Variants in CPEB1 observed in about 807,000 individuals in gnomAD.
The protein encoded by CPEB1 is cytoplasmic polyadenylation element binding protein 1, also known as cytoplasmic polyadenylation element-binding protein 1.
A neutral mutation model predicts 65.8 loss-of-function variants in CPEB1; 7 were observed. That is an observed-to-expected ratio of 0.11 (90% CI 0.06 to 0.20). The LOEUF (loss-of-function observed/expected upper bound fraction) is 0.20, where lower values mean the gene tolerates loss of function less well. Among genes scored for constraint, CPEB1 ranks in the 10% least tolerant of loss-of-function variants. The pLI, the probability that CPEB1 is intolerant of heterozygous loss-of-function variation, is 1.00. For synonymous variants in CPEB1, 262 were observed against 260.0 expected, an observed-to-expected ratio of 1.01 and a Z score of -0.08; for missense variants, 551 against 712.2, an observed-to-expected ratio of 0.77 and a Z score of 2.58.
intron 10 of CPEB1, chr15:82,548,813 T>A: frequency 2.5e-6 from 1 of 403,200 alleles, no homozygotes; most frequent in Non-Finnish European, 5.1e-6. Flanking sequence ...TCAGTGTGGG[T>A]GTGAAGACTA....
At chr15:82,612,392 G>A (rs1177051803) in intron 3 of CPEB1, among the ~76,000 whole-genome samples, 1 of 151,534 alleles carries the variant, frequency 6.6e-6, no homozygotes, top group Admixed American at 6.6e-5. Context: ...AGCTACTTGG[G>A]AGGCTGAGGC....
At chr15:82,546,397 C>A (rs1178123217) in intron 12 of CPEB1, 44 bp downstream of exon 12, 8 of 1,556,432 alleles carry the variant, frequency 5.1e-6, no homozygotes, top group Non-Finnish European at 7.1e-6. Flanking sequence ...GCCCAGCCAA[C>A]AATTTTTAAT....
At chr15:82,588,233 G>T (rs2041956109) in intron 3 of CPEB1, among the ~76,000 whole-genome samples, 1 of 151,842 alleles carries the variant, frequency 6.6e-6, no homozygotes, top group Admixed American at 6.6e-5. Context: ...AGGTGTGAGT[G>T]ACCGCATCCA....
chr15:82,565,533 C>T (rs905357953), intron 4 of CPEB1, among the ~76,000 whole-genome samples: 4 of 152,196 alleles, frequency 2.6e-5, no homozygotes, highest in Non-Finnish European at 5.9e-5. Flanking sequence ...CTCTTTAAGC[C>T]ACACAAACTA....
At chr15:82,645,771 G>A (rs1386343621) in intron 1 of CPEB1, among the ~76,000 whole-genome samples, 3 of 152,066 alleles carry the variant, frequency 2.0e-5, no homozygotes, top group Admixed American at 6.6e-5. Flanking sequence ...AGGAGGCTGA[G>A]GCAGGAGAAT....
At chr15:82,555,389 A>AC (rs1252430602) in intron 6 of CPEB1, among the ~76,000 whole-genome samples, 1 of 152,090 alleles carries the variant, frequency 6.6e-6, no homozygotes, top group Non-Finnish European at 1.5e-5. Flanking sequence ...TGACAAATGG[A>AC]CCCCTCCTTC....
At chr15:82,573,086 C>T in intron 3 of CPEB1, 1 of 1,535,632 alleles carries the variant, frequency 6.5e-7, no homozygotes. Context: ...ATACGGGAAG[C>T]ATGCCCACCT....
intron 3 of CPEB1, among the ~76,000 whole-genome samples, chr15:82,580,929 A>G (rs1183622210): frequency 6.6e-6 from 1 of 150,810 alleles, no homozygotes; most frequent in Non-Finnish European, 1.5e-5. Flanking sequence ...ATGGCTCACT[A>G]CAGCCTCAGC....
At chr15:82,620,091 C>T (rs746325582) in intron 3 of CPEB1, among the ~76,000 whole-genome samples, 10 of 152,140 alleles carry the variant, frequency 6.6e-5, no homozygotes, top group Non-Finnish European at 1.5e-4. Context: ...CCAGTTGCAA[C>T]ATGGATGAAA....
At chr15:82,551,023 G>T (rs2036157231) in intron 9 of CPEB1, among the ~76,000 whole-genome samples, 1 of 152,078 alleles carries the variant, frequency 6.6e-6, no homozygotes, top group South Asian at 2.1e-4. Flanking sequence ...GTGAAAGCAG[G>T]AGGGGAGGAA....
intron 1 of CPEB1, among the ~76,000 whole-genome samples, chr15:82,639,849 ACTCTCTCT>A (rs112948983): frequency 2.1e-5 from 3 of 145,964 alleles, no homozygotes; most frequent in African/African-American, 7.5e-5. Context: ...ACGCGCAAAC[ACTCTCTCT>A]CTCTCTCTCT....
At position 82,561,067 on chromosome 15, in the gene CPEB1, T is replaced by C. The variant is rs78552586; in HGVS notation, c.461-3081A>G. Among the ~76,000 whole-genome samples, 833 of 152,310 alleles carry C rather than the reference T, an allele frequency of 5.5e-3. 3 individuals are homozygous for C. Among genetic ancestry groups the C allele is most frequent in the Admixed American group, 0.012 (185 of 15,292 alleles). On this transcript the variant is annotated intron_variant, in intron 4 of 12. Transcript: ENST00000684509. ...AAAACCAGTGATTTCAATAGGCTGA[T>C]AGCTATAAGAGGAATGAGGGTGGCA...
chr15:82,584,297 TA>T (rs1251483917), intron 3 of CPEB1, among the ~76,000 whole-genome samples: 1 of 145,720 alleles, frequency 6.9e-6, no homozygotes, highest in African/African-American at 2.5e-5. Context: ...ACGTTTCAGT[TA>T]AACATCACTG....
chr15:82,634,735 T>G lies in CPEB1; in HGVS notation c.-97-6179A>C, dbSNP rs373202639. Among the ~76,000 whole-genome samples, 313 of 150,412 alleles carry G rather than the reference T, an allele frequency of 2.1e-3. 1 individual carries two copies. Among genetic ancestry groups the G allele is most frequent in the African/African-American group, 7.6e-3 (307 of 40,644 alleles). On this transcript the variant is annotated intron_variant, in intron 1 of 12. Coordinates refer to ENST00000684509, the MANE Select transcript of CPEB1 (RefSeq NM_001365242.1). ...TTTTCCTCCATTTAATCAGATGGTTTTTAAATGCATTGGTCTTGAACATTT... is the reference window on the plus strand; with the variant it reads ...TTTTCCTCCATTTAATCAGATGGTTGTTAAATGCATTGGTCTTGAACATTT...
intron 3 of CPEB1, among the ~76,000 whole-genome samples, chr15:82,578,262 C>T (rs186678581): frequency 4.3e-4 from 66 of 152,260 alleles, no homozygotes; most frequent in African/African-American, 1.4e-3. Flanking sequence ...GCTGGTTTTC[C>T]GTTCTTTCTT....
At chr15:82,628,685 G>A (rs139896896) in intron 1 of CPEB1, 129 bp from the exon 2 acceptor site, 47 of 512,632 alleles carry the variant, frequency 9.2e-5, no homozygotes, top group African/African-American at 8.3e-4. Context: ...CCTTACATCC[G>A]CTCCACATCC....
chr15:82,626,178 A>G (rs919387873), intron 3 of CPEB1, among the ~76,000 whole-genome samples: 2 of 150,976 alleles, frequency 1.3e-5, no homozygotes, highest in African/African-American at 2.4e-5. Flanking sequence ...GCTCACACCT[A>G]TAATCCCAGC....
chr15:82,548,106 G>A (rs1016346180), intron 10 of CPEB1, among the ~76,000 whole-genome samples: 1 of 152,156 alleles, frequency 6.6e-6, no homozygotes, highest in Non-Finnish European at 1.5e-5. Flanking sequence ...GGAGGCCAAG[G>A]TGGGCGGATC....
intron 1 of CPEB1, among the ~76,000 whole-genome samples, chr15:82,646,453 C>T (rs1247161391): frequency 5.3e-5 from 8 of 152,092 alleles, no homozygotes; most frequent in Non-Finnish European, 1.5e-5. Flanking sequence ...GCTGCAGGCG[C>T]GGGGCGGGGG....
Sources: gnomAD v4.1 joint callset for allele counts (sites outside exome capture counted in the v4.1 genomes callset) on GRCh38, gnomAD v4.1.1 for gene constraint, MANE v1.5 for transcripts, NCBI Gene and HGNC (gene_info 2026-07-23, HGNC 2026-07-21) for gene names.